Variants in MON2 observed in about 807,000 individuals in gnomAD.
The protein encoded by MON2 is protein MON2 homolog.
Under a neutral mutation model 208.6 loss-of-function variants are expected in MON2, and 84 were observed. That is an observed-to-expected ratio of 0.40 (90% CI 0.34 to 0.48). The LOEUF is 0.48. Among genes scored for constraint, MON2 ranks in the 20% least tolerant of loss-of-function variants. MON2 has a pLI of 0.59. For missense variants in MON2, 1,611 were observed against 2,015.4 expected, an observed-to-expected ratio of 0.80 and a Z score of 3.84; for synonymous variants, 660 against 694.0, an observed-to-expected ratio of 0.95 and a Z score of 0.77.
At chr12:62,477,495 A>T (rs896023982) in intron 1 of MON2, among the ~76,000 whole-genome samples, 1 of 151,884 alleles carries the variant, frequency 6.6e-6, no homozygotes, top group Non-Finnish European at 1.5e-5. Flanking sequence ...GTGCAATCAC[A>T]ACTCACTGTA....
Position 62,592,865 on chromosome 12 carries a change from C to T in MON2, c.*116C>T. ...GATAATTCTTGGCAGCTGTTGTTGG[C>T]CTCCTTTAAATTCTACTTACCTGAG... On this transcript the variant is annotated 3_prime_UTR_variant, in exon 35 of 35. Coordinates refer to ENST00000393630, the MANE Select transcript of MON2 (RefSeq NM_015026.3). The T allele has an allele frequency of 9.1e-7, 1 of 1,098,592 alleles. No individual in the cohort carries two copies. The highest frequency in any genetic ancestry group is 1.3e-6 in the Non-Finnish European group (1 of 786,026). The allele number at this position is 1,098,592 out of a possible 1,614,324, so 68.1% of individuals were successfully genotyped here.
intron 2 of MON2, among the ~76,000 whole-genome samples, chr12:62,492,084 T>C (rs1273952073): frequency 1.3e-5 from 2 of 152,246 alleles, no homozygotes; most frequent in Non-Finnish European, 2.9e-5. Context: ...ATTTGCCATC[T>C]TTAGCTGTGC....
Position 62,516,493 on chromosome 12 carries a change from T to C in MON2, c.984+8013T>C, listed in dbSNP as rs1490802429. ...GCCAAGGCGGCCAGATCACATGAGG[T>C]CGGGAGTTCAAGACCAGCCTGACCA... On this transcript the variant is annotated intron_variant, in intron 8 of 34. Transcript: ENST00000393630. Among the ~76,000 whole-genome samples, 4 of 152,170 alleles carry C rather than the reference T, an allele frequency of 2.6e-5. No individual in the cohort carries two copies. In the East Asian group the frequency reaches 7.7e-4, roughly 29 times the overall value.
Position 62,543,082 on chromosome 12 carries a change from GT to G in MON2, c.2365-14del. On this transcript the variant is annotated splice_polypyrimidine_tract_variant and intron_variant, in intron 19 of 34. Coordinates refer to ENST00000393630, the MANE Select transcript of MON2 (RefSeq NM_015026.3). ...TCTCCTTATACTATCAAAATACAAT[GT>G]ATTTTCTCCCTAGGAACCATCTCTT... The G allele has an allele frequency of 1.4e-6, 2 of 1,388,452 alleles. No homozygotes were observed. Among genetic ancestry groups the G allele is most frequent in the Non-Finnish European group, 2.0e-6 (2 of 1,007,804 alleles). The allele number at this position is 1,388,452 out of a possible 1,614,324, so 86.0% of individuals were successfully genotyped here.
At chr12:62,523,514 TG>T (rs1288920464) in intron 8 of MON2, among the ~76,000 whole-genome samples, 1 of 152,140 alleles carries the variant, frequency 6.6e-6, no homozygotes, top group Non-Finnish European at 1.5e-5. Context: ...ATGATAATGT[TG>T]TTTTTAGTTA....
In MON2 at chr12:62,597,872, G is replaced by C. The variant is rs1420696031; in HGVS notation, c.*5123G>C. On this transcript the variant is annotated 3_prime_UTR_variant, in exon 35 of 35. Transcript: ENST00000393630. ...GTTTGAGACTAGCCTAGACAACATA[G>C]CAAGATCCTATCTCTAGTTCAAAAA... 6.6e-6 allele frequency: 1 copy of C among 151,994 alleles called. No individual in the cohort carries two copies. Among genetic ancestry groups the C allele is most frequent in the East Asian group, 1.9e-4 (1 of 5,184 alleles). The allele number at this position is 151,994 out of a possible 1,614,324, so 9.4% of individuals were successfully genotyped here.
intron 2 of MON2, among the ~76,000 whole-genome samples, chr12:62,491,872 G>A (rs922532209): frequency 2.0e-5 from 3 of 152,200 alleles, no homozygotes; most frequent in Non-Finnish European, 2.9e-5. Context: ...TCACACTTCA[G>A]TGGTTCTGGC....
At chr12:62,467,576 G>C (rs978721684) in intron 1 of MON2, among the ~76,000 whole-genome samples, 4 of 152,172 alleles carry the variant, frequency 2.6e-5, no homozygotes, top group Non-Finnish European at 5.9e-5. Flanking sequence ...AATCCAGCTA[G>C]GTGTACTGTG....
chr12:62,517,490 G>A (rs2071763193), intron 8 of MON2, among the ~76,000 whole-genome samples: 1 of 152,044 alleles, frequency 6.6e-6, no homozygotes, highest in Admixed American at 6.6e-5. Flanking sequence ...TGGATATGTG[G>A]CCTTTGGGAG....
intron 1 of MON2, 125 bp downstream of exon 1, chr12:62,467,443 G>A: frequency 4.0e-6 from 3 of 747,214 alleles, no homozygotes; most frequent in Non-Finnish European, 4.4e-6. Context: ...TTTGTGAGTC[G>A]GTGGGTTGTT....
At chr12:62,474,316 C>G (rs1451032132) in intron 1 of MON2, among the ~76,000 whole-genome samples, 1 of 152,006 alleles carries the variant, frequency 6.6e-6, no homozygotes, top group Non-Finnish European at 1.5e-5. Context: ...ATGGGTTTCA[C>G]CATGTTGGCC....
rs1486260071 is a variant in MON2, at chr12:62,596,693, A to C, written c.*3944A>C. 1.3e-5 allele frequency: 2 copies of C among 152,228 alleles called. No individual in the cohort carries two copies. The highest frequency in any genetic ancestry group is 2.9e-5 in the Non-Finnish European group (2 of 68,038). 9.4% of individuals were successfully genotyped at this position (152,228 alleles called of 1,614,324 possible). On this transcript the variant is annotated 3_prime_UTR_variant, in exon 35 of 35. Coordinates refer to ENST00000393630, the MANE Select transcript of MON2 (RefSeq NM_015026.3). Reference sequence around the variant, plus strand: ...ACATAGTATTTTACCAATTTATATAAAGTGGGAAAAGTCTTTAATACTTCA... The same window carrying C: ...ACATAGTATTTTACCAATTTATATACAGTGGGAAAAGTCTTTAATACTTCA...
intron 27 of MON2, 195 bp from the exon 28 acceptor site, chr12:62,565,819 G>T: frequency 3.8e-6 from 2 of 533,202 alleles, no homozygotes; most frequent in Non-Finnish European, 3.3e-6. Flanking sequence ...AAGTTTAGTT[G>T]GATTTTATAT....
chr12:62,599,200 CAG>C lies in MON2; in HGVS notation c.*6453_*6454del, dbSNP rs1231719017. 1 of 152,042 alleles carries C rather than the reference CAG, an allele frequency of 6.6e-6. No individual in the cohort carries two copies. The highest frequency in any genetic ancestry group is 1.9e-4 in the East Asian group (1 of 5,198). The allele number at this position is 152,042 out of a possible 1,614,324, so 9.4% of individuals were successfully genotyped here. A position where few individuals can be genotyped will look rare whatever the true frequency, so the allele number is the denominator to read the frequency against. On this transcript the variant is annotated 3_prime_UTR_variant, in exon 35 of 35. Coordinates refer to ENST00000393630, the MANE Select transcript of MON2 (RefSeq NM_015026.3). ...ATATATAAAATGAAAAAATAATAAA[CAG>C]AAGACACGAAGTGTCTCTCAATAGT... is the stretch of plus-strand genomic sequence containing the variant.
At chr12:62,492,391 G>T in intron 2 of MON2, among the ~76,000 whole-genome samples, 2 of 124,430 alleles carry the variant, frequency 1.6e-5, no homozygotes, top group African/African-American at 3.0e-5. Context: ...TTGAGACGGA[G>T]TCTCGCTCTG....
intron 27 of MON2, among the ~76,000 whole-genome samples, chr12:62,565,796 C>T (rs941730592): frequency 1.3e-5 from 2 of 152,168 alleles, no homozygotes; most frequent in East Asian, 3.8e-4. Flanking sequence ...AGAAGTTGTA[C>T]ACTACTGGTG....
intron 8 of MON2, among the ~76,000 whole-genome samples, chr12:62,512,277 A>G (rs1165216059): frequency 6.6e-6 from 1 of 152,206 alleles, no homozygotes. Flanking sequence ...CAAAGGCTCA[A>G]CTGAGACAAG....
intron 29 of MON2, among the ~76,000 whole-genome samples, chr12:62,570,722 CTTTTTTT>C (rs1192680038): frequency 1.1e-4 from 8 of 70,860 alleles, no homozygotes; most frequent in South Asian, 6.0e-4. Context: ...TTTTCTTTTT[CTTTTTTT>C]TTTTTTTTTT....
At chr12:62,585,712 C>T (rs768598989) in intron 33 of MON2, 24 of 414,000 alleles carry the variant, frequency 5.8e-5, no homozygotes, top group Non-Finnish European at 9.5e-5. Context: ...TTAGATCCCT[C>T]ATGGAGATTA....
Sources: allele counts gnomAD v4.1 joint callset (sites outside exome capture counted in the v4.1 genomes callset), GRCh38; gene constraint gnomAD v4.1.1; transcripts MANE v1.5; gene names NCBI Gene and HGNC (gene_info 2026-07-23, HGNC 2026-07-21).